DRICH1: variants seen among roughly 807,000 people sequenced by gnomAD.
The protein encoded by DRICH1 is aspartate rich 1, also known as aspartate-rich protein 1.
Under a neutral mutation model 39.5 loss-of-function variants are expected in DRICH1, and 38 were observed. That is an observed-to-expected ratio of 0.96 (90% CI 0.74 to 1.26). The LOEUF (loss-of-function observed/expected upper bound fraction) is 1.26, where lower values mean the gene tolerates loss of function less well. Among genes scored for constraint, DRICH1 ranks in the 50% most tolerant of loss-of-function variants. The pLI is 0.00. For synonymous variants in DRICH1, 84 were observed against 99.5 expected (o/e 0.84, Z 0.93); for missense variants, 279 against 270.4 (o/e 1.03, Z -0.22).
At chr22:23,594,424 A>G in the DRICH1 span, among the ~76,000 whole-genome samples, 2 of 151,880 alleles carry the variant, frequency 1.3e-5, no homozygotes, top group African/African-American at 4.8e-5. Context: ...CAAAAAATTA[A>G]CCAGGTGTTG....
At position 23,625,973 on chromosome 22, in the gene DRICH1, G is replaced by C; in HGVS notation, c.276+8C>G. 1 of 1,609,036 alleles carries C rather than the reference G, an allele frequency of 6.2e-7. No homozygotes were observed. The highest frequency in any genetic ancestry group is 8.5e-7 in the Non-Finnish European group (1 of 1,176,126). ...ATTTCCTTAGAAGGCAAAGAAAGGG[G>C]GTCTTACCTTGGCATCATCATTGTC... is the stretch of plus-strand genomic sequence containing the variant. On this transcript the variant is annotated splice_region_variant and intron_variant, in intron 2 of 11. Transcript: ENST00000317749.
downstream of DRICH1, chr22:23,608,416 T>G (rs1404671328): frequency 6.3e-6 from 2 of 317,708 alleles, no homozygotes; most frequent in East Asian, 5.1e-5. Context: ...GAGCCCCTCA[T>G]TGGGTCAGAC....
At chr22:23,597,207 T>C in the DRICH1 span, among the ~76,000 whole-genome samples, 1 of 145,564 alleles carries the variant, frequency 6.9e-6, no homozygotes, top group African/African-American at 2.6e-5. Flanking sequence ...TCATTTAAAC[T>C]GTTGGCAGGA....
the DRICH1 span, among the ~76,000 whole-genome samples, chr22:23,591,670 A>G: frequency 6.6e-6 from 1 of 152,174 alleles, no homozygotes; most frequent in African/African-American, 2.4e-5. Context: ...GGGTCCTGTC[A>G]GGAGCTAGGT....
chr22:23,590,278 ATT>A, the DRICH1 span, among the ~76,000 whole-genome samples: 11 of 137,472 alleles, frequency 8.0e-5, no homozygotes, highest in Admixed American at 7.4e-5. Context: ...CAGCCCTTTG[ATT>A]TTTTTTTTTT....
intron 11 of DRICH1, among the ~76,000 whole-genome samples, chr22:23,612,377 G>T (rs1297582127): frequency 6.8e-6 from 1 of 146,334 alleles, no homozygotes; most frequent in African/African-American, 2.5e-5. Context: ...TGAGGCACGA[G>T]AATGGCGTGA....
Position 23,622,217 on chromosome 22 carries a change from G to A in DRICH1, c.299-41C>T, listed in dbSNP as rs775120973. On this transcript the variant is annotated intron_variant, in intron 3 of 11. Coordinates refer to ENST00000317749, the MANE Select transcript of DRICH1 (RefSeq NM_016449.4). Reference sequence around the variant, plus strand: ...GGAAAGATCCGTGCCCTGGTTGATTGTGACTGTGAGTCACTCAGGGAGCTT... The same window carrying A: ...GGAAAGATCCGTGCCCTGGTTGATTATGACTGTGAGTCACTCAGGGAGCTT... 3.2e-6 allele frequency: 5 copies of A among 1,571,672 alleles called. No individual in the cohort carries two copies. In the South Asian group the frequency reaches 5.5e-5, roughly 17 times the overall value.
rs1927669368 is a variant in DRICH1, at chr22:23,620,672, TAC to T, written c.385-59_385-58del. ...ATCAGATCAATTCTGCTGCACCCCT[TAC>T]ACAGATCTGTTATTCTCTTGATGAC... On this transcript the variant is annotated intron_variant, in intron 4 of 11. Coordinates refer to ENST00000317749, the MANE Select transcript of DRICH1 (RefSeq NM_016449.4). 3 of 1,583,536 alleles carry T rather than the reference TAC, an allele frequency of 1.9e-6. No homozygotes were observed. In the African/African-American group the frequency reaches 4.0e-5, roughly 21 times the overall value.
At chr22:23,628,281 C>T (rs74278263) in intron 1 of DRICH1, among the ~76,000 whole-genome samples, 3 of 152,152 alleles carry the variant, frequency 2.0e-5, no homozygotes, top group South Asian at 2.1e-4. Context: ...TTGATACACA[C>T]GTCAGCCAGG....
intron 1 of DRICH1, among the ~76,000 whole-genome samples, chr22:23,629,908 T>C (rs1375309588): frequency 6.6e-6 from 1 of 152,174 alleles, no homozygotes; most frequent in Non-Finnish European, 1.5e-5. Flanking sequence ...TGAGCCACCG[T>C]GCCCGGCCAT....
chr22:23,623,106 C>T (rs997419681), intron 3 of DRICH1, among the ~76,000 whole-genome samples: 4 of 152,020 alleles, frequency 2.6e-5, no homozygotes, highest in African/African-American at 9.7e-5. Context: ...AATATTGGTA[C>T]AAGATATCAC....
At chr22:23,582,728 T>C in the DRICH1 span, among the ~76,000 whole-genome samples, 1 of 152,010 alleles carries the variant, frequency 6.6e-6, no homozygotes, top group Non-Finnish European at 1.5e-5. Context: ...TCATGCTAAA[T>C]TTTTGTGTTT....
chr22:23,595,230 G>A, the DRICH1 span, among the ~76,000 whole-genome samples: 20 of 146,904 alleles, frequency 1.4e-4, no homozygotes, highest in South Asian at 1.2e-3. Context: ...CCTAGAGGCC[G>A]GAATCAGACT....
At chr22:23,620,744 G>A in intron 4 of DRICH1, 129 bp from the exon 5 acceptor site, 1 of 1,048,480 alleles carries the variant, frequency 9.5e-7, no homozygotes, top group South Asian at 1.3e-5. Flanking sequence ...AAGGTCAAAG[G>A]CCAAACATTC....
intron 2 of DRICH1, among the ~76,000 whole-genome samples, chr22:23,625,323 T>C (rs1346604694): frequency 6.6e-6 from 1 of 152,050 alleles, no homozygotes; most frequent in Non-Finnish European, 1.5e-5. Context: ...CAAAATTAAT[T>C]GAGAAGGAAA....
chr22:23,629,306 T>C (rs1224023045), intron 1 of DRICH1, among the ~76,000 whole-genome samples: 1 of 152,176 alleles, frequency 6.6e-6, no homozygotes, highest in Non-Finnish European at 1.5e-5. Flanking sequence ...CCCAAAGTGC[T>C]GGGATTACAG....
intron 4 of DRICH1, among the ~76,000 whole-genome samples, chr22:23,620,969 T>C (rs577625581): frequency 6.6e-6 from 1 of 152,262 alleles, no homozygotes; most frequent in East Asian, 1.9e-4. Flanking sequence ...ATGTATTCGA[T>C]GAAAAGAAAC....
chr22:23,591,030 G>A, the DRICH1 span, among the ~76,000 whole-genome samples: 4 of 152,196 alleles, frequency 2.6e-5, no homozygotes, highest in African/African-American at 7.2e-5. Flanking sequence ...GATGGCATAA[G>A]GCTGTCTACT....
At chr22:23,621,458 A>C (rs2123783783) in intron 4 of DRICH1, among the ~76,000 whole-genome samples, 1 of 152,080 alleles carries the variant, frequency 6.6e-6, no homozygotes, top group East Asian at 1.9e-4. Flanking sequence ...CCAACAATCA[A>C]TATGTGACAC....
Sources: allele counts gnomAD v4.1 joint callset (sites outside exome capture counted in the v4.1 genomes callset), GRCh38; gene constraint gnomAD v4.1.1; transcripts MANE v1.5; gene names NCBI Gene and HGNC (gene_info 2026-07-23, HGNC 2026-07-21).